Variants in HOXA3 observed in about 807,000 individuals in gnomAD.
The protein encoded by HOXA3 is homeobox protein Hox-A3.
A neutral mutation model predicts 30.3 loss-of-function variants in HOXA3; 8 were observed. The ratio of observed to expected loss-of-function variants is 0.26; its 90% CI spans 0.15 to 0.48. HOXA3 has a LOEUF of 0.48. Ranked by LOEUF, HOXA3 falls within the 20% of genes least tolerant of loss-of-function variation. The pLI, the probability that HOXA3 is intolerant of heterozygous loss-of-function variation, is 0.99. For missense variants in HOXA3, 653 were observed against 614.4 expected, an observed-to-expected ratio of 1.06 and a Z score of -0.66; for synonymous variants, 323 against 273.1, an observed-to-expected ratio of 1.18 and a Z score of -1.80.
At chr7:27,114,741 T>TCACACACACACACA (rs1420948566) in intron 4 of HOXA3, among the ~76,000 whole-genome samples, 6 of 8,354 alleles carry the variant, frequency 7.2e-4, no homozygotes, top group East Asian at 0.015. Context: ...GAAACCGACA[T>TCACACACACACACA]CATACACACA....
Position 27,108,781 on chromosome 7 carries a change from G to A in HOXA3, c.527-61C>T. ...GCTGCCGCGGCCCCGCCCAGCCCCTGACCCAGCCCGGCCCCTCCTTCCACC... is the reference window on the plus strand; with the variant it reads ...GCTGCCGCGGCCCCGCCCAGCCCCTAACCCAGCCCGGCCCCTCCTTCCACC... On this transcript the variant is annotated intron_variant, in intron 5 of 5. Transcript: ENST00000612286. The surrounding 1 kb of genome is among the most constrained non-coding windows in gnomAD (Gnocchi z 5.0). 1 of 1,333,192 alleles carries A rather than the reference G, an allele frequency of 7.5e-7. No homozygotes were observed. The highest frequency in any genetic ancestry group is 1.0e-6 in the Non-Finnish European group (1 of 985,626). The allele number at this position is 1,333,192 out of a possible 1,614,324, so 82.6% of individuals were successfully genotyped here.
intron 2 of HOXA3, chr7:27,129,648 G>A: frequency 6.6e-7 from 1 of 1,521,344 alleles, no homozygotes. Flanking sequence ...GAGAGAGAAG[G>A]TGGGGTGGGG....
In HOXA3 at chr7:27,130,595, C is replaced by G. The variant is rs765562236; in HGVS notation, c.-389-3525G>C. The G allele has an allele frequency of 2.6e-6, 4 of 1,528,812 alleles. No homozygotes were observed. The South Asian group carries it at 4.8e-5, about 18-fold the overall frequency. 94.7% of individuals were successfully genotyped at this position (1,528,812 alleles called of 1,614,324 possible). On this transcript the variant is annotated intron_variant, in intron 2 of 5. Coordinates refer to ENST00000612286, the MANE Select transcript of HOXA3 (RefSeq NM_153631.3). ...AGCGGCAGGTGCTGGGTCGGGGGCG[C>G]TGGGGGCTGCTGGTAGCCGGGGCCC...
At chr7:27,126,419 T>A (rs1785285674) in intron 3 of HOXA3, among the ~76,000 whole-genome samples, 1 of 151,200 alleles carries the variant, frequency 6.6e-6, no homozygotes, top group Non-Finnish European at 1.5e-5. Flanking sequence ...GGTCAAGGAT[T>A]TGAGGGGCCA....
intron 4 of HOXA3, chr7:27,115,323 A>G (rs2128044662): frequency 6.6e-6 from 1 of 152,290 alleles, no homozygotes; most frequent in Admixed American, 6.5e-5. Context: ...AGAGCACAAA[A>G]CAGCAAACAC....
Position 27,110,774 on chromosome 7 carries a change from A to G in HOXA3, c.-120-14T>C, listed in dbSNP as rs1784326659. 2 of 1,403,608 alleles carry G rather than the reference A, an allele frequency of 1.4e-6. No individual in the cohort carries two copies. Among genetic ancestry groups the G allele is most frequent in the Non-Finnish European group, 2.0e-6 (2 of 1,023,284 alleles). The allele number at this position is 1,403,608 out of a possible 1,614,324, so 86.9% of individuals were successfully genotyped here. A position where few individuals can be genotyped will look rare whatever the true frequency, so the allele number is the denominator to read the frequency against. Reference sequence around the variant, plus strand: ...CCCCGCGCAGACCTGGTGGGGCGAGAAGCGCAGCGCGGTGAGGGCTCCGCG... The same window carrying G: ...CCCCGCGCAGACCTGGTGGGGCGAGGAGCGCAGCGCGGTGAGGGCTCCGCG... On this transcript the variant is annotated splice_polypyrimidine_tract_variant and intron_variant, in intron 4 of 5. Transcript: ENST00000612286.
In HOXA3 at chr7:27,109,000, T is replaced by A. The variant is rs1239685476; in HGVS notation, c.527-280A>T. Among the ~76,000 whole-genome samples, 1 of 152,174 alleles carries A rather than the reference T, an allele frequency of 6.6e-6. No homozygotes were observed. Among genetic ancestry groups the A allele is most frequent in the Non-Finnish European group, 1.5e-5 (1 of 68,028 alleles). The stretch of plus-strand genomic sequence containing the variant: ...GGTCTGGATTTTCTGTTTAGAGCTA[T>A]TAACTTTCTGACTCATTTACTGGTC... On this transcript the variant is annotated intron_variant, in intron 5 of 5. Coordinates refer to ENST00000612286, the MANE Select transcript of HOXA3 (RefSeq NM_153631.3). This position sits in a 1 kb window ranked among gnomAD's most constrained non-coding sequence, Gnocchi z 5.0.
At chr7:27,143,198 A>C in intron 1 of HOXA3, 3 of 1,611,164 alleles carry the variant, frequency 1.9e-6, no homozygotes, top group East Asian at 2.2e-5. Flanking sequence ...TCTGCTGCTG[A>C]TGTGGGTGCT....
At chr7:27,132,424 T>C (rs1785589629) in intron 2 of HOXA3, among the ~76,000 whole-genome samples, 1 of 152,248 alleles carries the variant, frequency 6.6e-6, no homozygotes, top group Admixed American at 6.5e-5. Context: ...ACTTAATGCT[T>C]AGCCACATAA....
At position 27,146,066 on chromosome 7, in the gene HOXA3, T is replaced by G. The variant is rs925002734; in HGVS notation, c.-493-5880A>C. ...ACTATGTCTGGGGCCCAAAGCATAC[T>G]GAATGGGAGATTATTTCATACCAAG... On this transcript the variant is annotated intron_variant, in intron 1 of 5. Transcript: ENST00000612286. 1.1e-5 allele frequency: 10 copies of G among 897,074 alleles called. No homozygotes were observed. In the African/African-American group the frequency reaches 1.5e-4, roughly 14 times the overall value. 55.6% of individuals were successfully genotyped at this position (897,074 alleles called of 1,614,324 possible).
rs150455519 is a variant in HOXA3 at position 27,109,717 on chromosome 7, C to T, written c.526+398G>A. Among the ~76,000 whole-genome samples, 123 of 152,302 alleles carry T rather than the reference C, an allele frequency of 8.1e-4. 1 individual carries two copies. The highest frequency in any genetic ancestry group is 2.8e-3 in the African/African-American group (116 of 41,548). ...GATTCTGTCTTGGAGGGTGATTAGG[C>T]CTGTTTTTATTCTGCCACATTTCAG... On this transcript the variant is annotated intron_variant, in intron 5 of 5. Transcript: ENST00000612286.
chr7:27,130,099 C>A (rs1465708745), intron 2 of HOXA3: 3 of 1,587,126 alleles, frequency 1.9e-6, no homozygotes, highest in Admixed American at 3.4e-5. Context: ...TCCCGCGCCT[C>A]CCAAGCGGCG....
At chr7:27,140,478 T>G (rs1175996082) in intron 1 of HOXA3, 3 of 152,242 alleles carry the variant, frequency 2.0e-5, no homozygotes, top group Non-Finnish European at 4.4e-5. Flanking sequence ...AGTCGGTAAA[T>G]GTGCAAATCT....
At chr7:27,132,529 G>T (rs1042313300) in intron 2 of HOXA3, among the ~76,000 whole-genome samples, 3 of 152,156 alleles carry the variant, frequency 2.0e-5, no homozygotes, top group Non-Finnish European at 4.4e-5. Flanking sequence ...CCCTGAAGAG[G>T]TACAAAGAGA....
rs140908739 is a variant in HOXA3, at chr7:27,108,155, G to C, written c.1092C>G (p.Pro364=). 1.9e-6 allele frequency: 3 copies of C among 1,580,516 alleles called. No homozygotes were observed. Among genetic ancestry groups the C allele is most frequent in the African/African-American group, 2.7e-5 (2 of 73,840 alleles). Residue 364 remains proline, a synonymous_variant, in exon 6 of 6, where the codon CCC becomes CCG. Coordinates refer to ENST00000612286, the MANE Select transcript of HOXA3 (RefSeq NM_153631.3). The surrounding 1 kb of genome is among the most constrained non-coding windows in gnomAD (Gnocchi z 5.0). The part of the protein sequence containing the change: ...SYGTPHIQGS[P]VFVGGSYVEP... ...CCACATAGCTGCCCCCCACGAAGAC[G>C]GGGCTTCCCTGTATGTGTGGGGTCC...
intron 2 of HOXA3, chr7:27,130,376 G>A: frequency 8.7e-7 from 1 of 1,147,246 alleles, no homozygotes; most frequent in East Asian, 4.2e-5. Context: ...GCTTGCGCCG[G>A]GGGCTGCTCG....
rs17471979 is a variant in HOXA3 at position 27,138,195 on chromosome 7, T to A, written c.-390+1888A>T. ...ATCTTCTTGAATGCTGAAATACCAA[T>A]GTTTACTTTAATAGGTTACACACAA... On this transcript the variant is annotated intron_variant, in intron 2 of 5. Transcript: ENST00000612286. Among the ~76,000 whole-genome samples, 3 of 152,336 alleles carry A rather than the reference T, an allele frequency of 2.0e-5. No individual in the cohort carries two copies. The East Asian group carries it at 5.8e-4, about 29-fold the overall frequency.
chr7:27,143,413 G>C (rs760180381), intron 1 of HOXA3: 1 of 1,611,558 alleles, frequency 6.2e-7, no homozygotes, highest in Non-Finnish European at 8.5e-7. Context: ...GCTCTCCGGA[G>C]CCAAAGTGGC....
intron 4 of HOXA3, among the ~76,000 whole-genome samples, chr7:27,116,865 G>A (rs1053509505): frequency 2.6e-5 from 4 of 152,210 alleles, no homozygotes; most frequent in African/African-American, 4.8e-5. Context: ...GGTTACTGCC[G>A]AGGCCGGCAC....
Sources: allele counts gnomAD v4.1 joint callset (sites outside exome capture counted in the v4.1 genomes callset), GRCh38; gene constraint gnomAD v4.1.1; non-coding constraint Gnocchi (gnomAD v3.1); transcripts MANE v1.5; gene names NCBI Gene and HGNC (gene_info 2026-07-23, HGNC 2026-07-21).